The following ANO4 variants were observed in gnomAD, a reference collection of about 807,000 sequenced individuals.
ANO4 encodes anoctamin 4.
Under a neutral mutation model 141.9 loss-of-function variants are expected in ANO4, and 69 were observed. The ratio of observed to expected loss-of-function variants is 0.49; its 90% CI spans 0.40 to 0.59. The LOEUF is 0.59. ANO4 is among the 20% of genes least tolerant of loss of function. The pLI is 0.00. For missense variants in ANO4, 894 were observed against 1,162.2 expected, an observed-to-expected ratio of 0.77 and a Z score of 3.36; for synonymous variants, 350 against 394.3, an observed-to-expected ratio of 0.89 and a Z score of 1.33.
intron 14 of ANO4, among the ~76,000 whole-genome samples, chr12:101,075,003 G>A (rs2048965980): frequency 6.6e-6 from 1 of 152,056 alleles, no homozygotes; most frequent in South Asian, 2.1e-4. Context: ...CTGGGTTTGG[G>A]TTTTTATTGG....
intron 1 of ANO4, among the ~76,000 whole-genome samples, chr12:100,821,171 G>A (rs1416758579): frequency 1.3e-5 from 2 of 152,050 alleles, no homozygotes; most frequent in Admixed American, 1.3e-4. Flanking sequence ...CAGTGTAGTT[G>A]TGTCTAGTCA....
At chr12:100,894,544 C>T (rs186460541) in intron 1 of ANO4, among the ~76,000 whole-genome samples, 2 of 152,206 alleles carry the variant, frequency 1.3e-5, no homozygotes, top group East Asian at 3.9e-4. Flanking sequence ...TCTGCCCCCT[C>T]TTATGGGAAC....
At position 101,068,526 on chromosome 12, in the gene ANO4, A is replaced by G. The variant is rs2048685861; in HGVS notation, c.1313-10667A>G. 6.1e-6 allele frequency: 7 copies of G among 1,146,988 alleles called. No homozygotes were observed. The East Asian group carries it at 9.4e-5, about 15-fold the overall frequency. 71.1% of individuals were successfully genotyped at this position (1,146,988 alleles called of 1,614,324 possible). On this transcript the variant is annotated intron_variant, in intron 14 of 27. Transcript: ENST00000392977. Reference sequence around the variant, plus strand: ...AACTTTCATATTTTCCTGGAATATGATCAGGATCTAAGTGTTAGGTGGAAA... The same window carrying G: ...AACTTTCATATTTTCCTGGAATATGGTCAGGATCTAAGTGTTAGGTGGAAA...
chr12:101,068,608 G>C, intron 14 of ANO4: 3 of 1,423,328 alleles, frequency 2.1e-6, no homozygotes, highest in Non-Finnish European at 3.0e-6. Flanking sequence ...TGCTGATGCA[G>C]TCCTTTTTAC....
At chr12:101,070,064 G>A (rs1354701985) in intron 14 of ANO4, among the ~76,000 whole-genome samples, 1 of 152,066 alleles carries the variant, frequency 6.6e-6, no homozygotes, top group East Asian at 1.9e-4. Context: ...ATTGGAAGAA[G>A]CAATATTGTT....
chr12:100,760,236 A>G (rs2032793179), intron 3 of ANO4, among the ~76,000 whole-genome samples: 1 of 152,220 alleles, frequency 6.6e-6, no homozygotes, highest in Admixed American at 6.5e-5. Flanking sequence ...GCTAATATTC[A>G]TTGAATACCT....
intron 5 of ANO4, among the ~76,000 whole-genome samples, chr12:100,970,999 G>A (rs989758960): frequency 1.3e-5 from 2 of 152,228 alleles, no homozygotes; most frequent in African/African-American, 4.8e-5. Flanking sequence ...AAAGGCGTGA[G>A]CCACCACGCC....
chr12:101,090,639 C>A, intron 17 of ANO4, among the ~76,000 whole-genome samples: 1 of 151,970 alleles, frequency 6.6e-6, no homozygotes, highest in Non-Finnish European at 1.5e-5. Flanking sequence ...AGGAGATATA[C>A]CTAATGTAAA....
At chr12:101,065,973 G>A (rs1055157936) in intron 14 of ANO4, among the ~76,000 whole-genome samples, 1 of 152,188 alleles carries the variant, frequency 6.6e-6, no homozygotes, top group Admixed American at 6.5e-5. Flanking sequence ...AAGTCAACCA[G>A]TGTGATACAT....
intron 17 of ANO4, among the ~76,000 whole-genome samples, chr12:101,089,632 G>A (rs1052735747): frequency 6.6e-6 from 1 of 152,194 alleles, no homozygotes; most frequent in Non-Finnish European, 1.5e-5. Flanking sequence ...TTCCTCCAAT[G>A]TCTTAAAATT....
At chr12:100,846,945 A>C (rs1325636991) in intron 1 of ANO4, among the ~76,000 whole-genome samples, 3 of 151,146 alleles carry the variant, frequency 2.0e-5, no homozygotes, top group Non-Finnish European at 3.0e-5. Context: ...TTCCTTCCAC[A>C]CCCCCCCCCA....
intron 2 of ANO4, among the ~76,000 whole-genome samples, chr12:100,735,776 T>C (rs2031580952): frequency 6.6e-6 from 1 of 152,210 alleles, no homozygotes; most frequent in East Asian, 1.9e-4. Context: ...GAGGATGTGA[T>C]GGTGATAGGT....
intron 1 of ANO4, among the ~76,000 whole-genome samples, chr12:100,846,268 C>G (rs1490501877): frequency 6.6e-6 from 1 of 152,128 alleles, no homozygotes; most frequent in Non-Finnish European, 1.5e-5. Context: ...CTCTTGTCTT[C>G]TTACTGTTAG....
At chr12:100,953,248 TATATCATGA>T (rs2043045630) in intron 5 of ANO4, among the ~76,000 whole-genome samples, 1 of 152,366 alleles carries the variant, frequency 6.6e-6, no homozygotes, top group South Asian at 2.1e-4. Flanking sequence ...ATGCAAAGTA[TATATCATGA>T]ATATGACACT....
chr12:100,757,053 A>T (rs769219951), intron 3 of ANO4, among the ~76,000 whole-genome samples: 1 of 152,086 alleles, frequency 6.6e-6, no homozygotes, highest in Non-Finnish European at 1.5e-5. Flanking sequence ...CCTTCTGGAA[A>T]ATGTGGAACT....
At chr12:100,879,068 G>C (rs928385735) in intron 1 of ANO4, among the ~76,000 whole-genome samples, 5 of 152,182 alleles carry the variant, frequency 3.3e-5, no homozygotes, top group African/African-American at 1.2e-4. Flanking sequence ...ATACAGGAAA[G>C]AGTGTTAAAT....
At chr12:100,977,525 A>T (rs2044251008) in intron 7 of ANO4, among the ~76,000 whole-genome samples, 1 of 152,154 alleles carries the variant, frequency 6.6e-6, no homozygotes, top group African/African-American at 2.4e-5. Flanking sequence ...ATCTCTAAAA[A>T]TGTAAATAAA....
At chr12:101,044,123 A>G (rs2047528759) in intron 13 of ANO4, among the ~76,000 whole-genome samples, 1 of 152,080 alleles carries the variant, frequency 6.6e-6, no homozygotes, top group Admixed American at 6.5e-5. Flanking sequence ...ATGACCTCCA[A>G]TTAAGGCTAG....
chr12:100,913,056 C>T (rs962768148), intron 2 of ANO4, among the ~76,000 whole-genome samples: 3 of 151,994 alleles, frequency 2.0e-5, no homozygotes, highest in African/African-American at 4.8e-5. Context: ...TATCTGTGTT[C>T]CTTGCTATCA....
Sources: gnomAD v4.1 joint callset for allele counts (sites outside exome capture counted in the v4.1 genomes callset) on GRCh38, gnomAD v4.1.1 for gene constraint, MANE v1.5 for transcripts, NCBI Gene and HGNC (gene_info 2026-07-23, HGNC 2026-07-21) for gene names.